EMC7: variants seen among roughly 807,000 people sequenced by gnomAD.
The protein encoded by EMC7 is endoplasmic reticulum membrane protein complex subunit 7.
EMC7 carries 4 observed loss-of-function variants against 24.4 expected under a neutral mutation model. The ratio of observed to expected loss-of-function variants is 0.16; its 90% CI spans 0.08 to 0.38. EMC7 has a LOEUF of 0.38. EMC7 is among the 10% of genes least tolerant of loss of function. The probability of loss-of-function intolerance (pLI) is 1.00; values close to 1 mark genes in which losing one functional copy is unlikely to be tolerated. For missense variants in EMC7, 221 were observed against 300.6 expected (o/e 0.74, Z 1.96); for synonymous variants, 106 against 112.0 (o/e 0.95, Z 0.34).
At chr15:34,086,090 C>T (rs564943472) in intron 4 of EMC7, 32 of 331,710 alleles carry the variant, frequency 9.6e-5, no homozygotes, top group African/African-American at 6.5e-4. Context: ...CCAGGAACTT[C>T]CAGAAGCCAC....
intron 3 of EMC7, among the ~76,000 whole-genome samples, chr15:34,088,468 CTT>C (rs11423386): frequency 7.0e-6 from 1 of 142,048 alleles, no homozygotes; most frequent in Non-Finnish European, 1.5e-5. Context: ...TATCTATTCC[CTT>C]TTTTTTTTTT....
chr15:34,088,189 CAA>C, intron 3 of EMC7, 56 bp from the exon 4 acceptor site: 1 of 1,413,650 alleles, frequency 7.1e-7, no homozygotes, highest in Non-Finnish European at 9.8e-7. Context: ...GTTAATAGAA[CAA>C]AAACTGCACT....
chr15:34,101,522 C>G (rs995571539), intron 1 of EMC7, 82 bp downstream of exon 1: 34 of 1,439,270 alleles, frequency 2.4e-5, no homozygotes, highest in Admixed American at 1.8e-5. Context: ...GACGTTGTCC[C>G]GTCCTGACAC....
intron 1 of EMC7, among the ~76,000 whole-genome samples, chr15:34,096,797 G>C (rs1449327265): frequency 1.3e-5 from 2 of 151,636 alleles, no homozygotes; most frequent in African/African-American, 4.8e-5. Context: ...AGACCAGCCT[G>C]ACCAACATGG....
At chr15:34,094,361 C>G (rs1826430784) in intron 2 of EMC7, among the ~76,000 whole-genome samples, 1 of 152,034 alleles carries the variant, frequency 6.6e-6, no homozygotes, top group Non-Finnish European at 1.5e-5. Context: ...TGGTGAAATC[C>G]CGTCTCTACT....
chr15:34,084,134 C>T lies in EMC7; in HGVS notation c.*200G>A, dbSNP rs745373032. The T allele has an allele frequency of 9.2e-5, 51 of 552,624 alleles. No individual in the cohort carries two copies. The highest frequency in any genetic ancestry group is 1.5e-4 in the Non-Finnish European group (50 of 324,080). The allele number at this position is 552,624 out of a possible 1,614,324, so 34.2% of individuals were successfully genotyped here. ...TTAATTCAGTGACATCAATATTGAC[C>T]TCATACAGACAAAAGATGAAAGCTG... On this transcript the variant is annotated 3_prime_UTR_variant, in exon 5 of 5. Transcript: ENST00000256545.
chr15:34,093,269 C>T lies in EMC7; in HGVS notation c.356+2626G>A, dbSNP rs575608319. Among the ~76,000 whole-genome samples the T allele has an allele frequency of 3.9e-5, 6 of 152,066 alleles. No homozygotes were observed. In the East Asian group the frequency reaches 1.2e-3, roughly 29 times the overall value. ...CCTGGCCAACATGGTGAGACCCTGC[C>T]TCTATTAAAAATGCAAAATTAGTTG... On this transcript the variant is annotated intron_variant, in intron 2 of 4. Coordinates refer to ENST00000256545, the MANE Select transcript of EMC7 (RefSeq NM_020154.3).
chr15:34,084,398 G>A lies in EMC7; in HGVS notation c.665C>T (p.Ser222Leu), dbSNP rs1555522829. Residue 222 changes from serine (S) to leucine (L), a missense_variant, in exon 5 of 5, where the codon TCA becomes TTA. Physicochemically the swap from Ser to Leu is moderately radical, Grantham distance 145. Coordinates refer to ENST00000256545, the MANE Select transcript of EMC7 (RefSeq NM_020154.3). ...EFMTRLFSSK[S>L]SGKSSSGSSK... ...GCTGCCGCTGCTAGATTTGCCAGAT[G>A]ATTTTGAAGAGAAGAGTCTTGTCAT... 7 of 1,613,856 alleles carry A rather than the reference G, an allele frequency of 4.3e-6. No homozygotes were observed. The highest frequency in any genetic ancestry group is 5.9e-6 in the Non-Finnish European group (7 of 1,179,788).
At position 34,084,457 on chromosome 15, in the gene EMC7, A is replaced by G; in HGVS notation, c.606T>C (p.Asn202=). The change falls in exon 5 of 5, where the codon AAT becomes AAC. Residue 202 remains asparagine, a synonymous_variant. Transcript: ENST00000256545. ...REMEQSMNML[N]SNHELPDVSE... ...AAACATCAGGCAACTCATGGTTGGA[A>G]TTCAGCATATTCATTGACTGCTCCA... 1 of 1,613,662 alleles carries G rather than the reference A, an allele frequency of 6.2e-7. No individual in the cohort carries two copies.
At chr15:34,098,191 T>C (rs1328060083) in intron 1 of EMC7, among the ~76,000 whole-genome samples, 1 of 152,134 alleles carries the variant, frequency 6.6e-6, no homozygotes, top group East Asian at 1.9e-4. Context: ...TCTGACTGGC[T>C]GTGTTAAGGG....
At chr15:34,093,015 A>C (rs778346306) in intron 2 of EMC7, among the ~76,000 whole-genome samples, 14 of 152,246 alleles carry the variant, frequency 9.2e-5, no homozygotes, top group Admixed American at 3.9e-4. Flanking sequence ...CCACTTTATA[A>C]TAAGAAACTT....
At chr15:34,090,529 A>G in intron 2 of EMC7, 74 bp from the exon 3 acceptor site, 1 of 1,477,978 alleles carries the variant, frequency 6.8e-7, no homozygotes, top group Non-Finnish European at 9.1e-7. Context: ...TGCTTATATT[A>G]TATTAGCAAT....
At chr15:34,093,834 T>A (rs1338100098) in intron 2 of EMC7, among the ~76,000 whole-genome samples, 4 of 121,724 alleles carry the variant, frequency 3.3e-5, no homozygotes, top group Admixed American at 8.6e-5. Context: ...TTTTTTTTTT[T>A]TTTTTTTTTG....
At chr15:34,087,959 C>T in intron 4 of EMC7, 94 bp downstream of exon 4, 1 of 1,057,078 alleles carries the variant, frequency 9.5e-7, no homozygotes, top group South Asian at 1.5e-5. Context: ...AGTTTGAGGC[C>T]ACTCAAACTG....
At chr15:34,087,950 G>A (rs776269598) in intron 4 of EMC7, 103 bp downstream of exon 4, 107 of 981,992 alleles carry the variant, frequency 1.1e-4, no homozygotes, top group Non-Finnish European at 1.6e-4. Context: ...GAGCCCAGGA[G>A]TTTGAGGCCA....
intron 2 of EMC7, 53 bp from the exon 3 acceptor site, chr15:34,090,508 G>C: frequency 1.3e-6 from 2 of 1,563,046 alleles, no homozygotes; most frequent in Non-Finnish European, 1.7e-6. Flanking sequence ...AACATTACTG[G>C]TTAAAAGAAC....
intron 4 of EMC7, among the ~76,000 whole-genome samples, chr15:34,087,359 A>C (rs564810295): frequency 1.9e-4 from 29 of 152,328 alleles, no homozygotes; most frequent in African/African-American, 6.5e-4. Flanking sequence ...TTCAAAGAGA[A>C]AATGTGGTGG....
At position 34,101,621 on chromosome 15, in the gene EMC7, C is replaced by A. The variant is rs1332382592; in HGVS notation, c.219G>T (p.Glu73Asp). 6 of 1,613,968 alleles carry A rather than the reference C, an allele frequency of 3.7e-6. No individual in the cohort carries two copies. The highest frequency in any genetic ancestry group is 4.2e-6 in the Non-Finnish European group (5 of 1,179,988). Residue 73 changes from glutamate to aspartate, a missense_variant, in exon 1 of 5, where the codon GAG (glutamate) becomes GAT (aspartate). Coordinates refer to ENST00000256545, the MANE Select transcript of EMC7 (RefSeq NM_020154.3). The stretch of plus-strand genomic sequence containing the variant: ...ATGCTCACTTAAGGAAACCGACGTG[C>A]TCTTCTCCGTCTACCAGCACTCGGG... ...SAARVLVDGE[E>D]HVGFLKTDGS...
intron 2 of EMC7, among the ~76,000 whole-genome samples, chr15:34,092,737 T>C (rs1456497235): frequency 6.6e-6 from 1 of 152,172 alleles, no homozygotes; most frequent in Non-Finnish European, 1.5e-5. Context: ...GGAATGTATC[T>C]GAGAACATGA....
Sources: allele counts gnomAD v4.1 joint callset (sites outside exome capture counted in the v4.1 genomes callset), GRCh38; gene constraint gnomAD v4.1.1; transcripts MANE v1.5; gene names NCBI Gene and HGNC (gene_info 2026-07-23, HGNC 2026-07-21).